Variants in P4HA3 observed in about 807,000 individuals in gnomAD.
P4HA3 encodes prolyl 4-hydroxylase subunit alpha-3.
P4HA3 carries 60 observed loss-of-function variants against 66.7 expected under a neutral mutation model. That is an observed-to-expected ratio of 0.90 (90% CI 0.73 to 1.12). The LOEUF is 1.12. Among genes scored for constraint, P4HA3 ranks in the 50% most tolerant of loss-of-function variants. P4HA3 has a pLI of 0.00. For missense variants in P4HA3, 683 were observed against 685.8 expected, an observed-to-expected ratio of 1.00 and a Z score of 0.05; for synonymous variants, 263 against 274.6, an observed-to-expected ratio of 0.96 and a Z score of 0.42.
chr11:74,300,545 C>A (rs1861374924), intron 3 of P4HA3, among the ~76,000 whole-genome samples: 1 of 152,032 alleles, frequency 6.6e-6, no homozygotes, highest in Admixed American at 6.5e-5. Flanking sequence ...CTTGAGCCCC[C>A]CCAGGTGGGA....
At chr11:74,301,084 G>A (rs894051706) in intron 3 of P4HA3, among the ~76,000 whole-genome samples, 2 of 152,156 alleles carry the variant, frequency 1.3e-5, no homozygotes, top group Non-Finnish European at 2.9e-5. Context: ...CAGAAGGGAT[G>A]GGGGGTGGCG....
intron 1 of P4HA3, among the ~76,000 whole-genome samples, chr11:74,306,575 CTA>C (rs1168683010): frequency 2.6e-5 from 4 of 152,132 alleles, no homozygotes; most frequent in African/African-American, 7.2e-5. Flanking sequence ...GCACAGGAGA[CTA>C]TGAGTCCTTT....
At chr11:74,279,825 C>T (rs1201989487) in intron 7 of P4HA3, among the ~76,000 whole-genome samples, 2 of 152,154 alleles carry the variant, frequency 1.3e-5, no homozygotes, top group Non-Finnish European at 2.9e-5. Context: ...GGGTCAGGCA[C>T]AGGGCCTGAC....
intron 9 of P4HA3, among the ~76,000 whole-genome samples, chr11:74,273,984 T>C (rs991133169): frequency 1.4e-4 from 22 of 152,166 alleles, no homozygotes; most frequent in Admixed American, 1.4e-3. Context: ...TTCCAATTAC[T>C]TGCTGAAGAG....
chr11:74,278,605 C>T (rs900227950), intron 8 of P4HA3, among the ~76,000 whole-genome samples: 1 of 152,160 alleles, frequency 6.6e-6, no homozygotes, highest in Non-Finnish European at 1.5e-5. Context: ...AAGCAATTAA[C>T]CCAAGGCTGA....
intron 1 of P4HA3, among the ~76,000 whole-genome samples, chr11:74,310,080 C>T (rs896607460): frequency 6.6e-6 from 1 of 152,194 alleles, no homozygotes; most frequent in Admixed American, 6.5e-5. Flanking sequence ...ATTGTGCTGT[C>T]TTTGCTCAAT....
chr11:74,294,476 T>C (rs1045913510), intron 4 of P4HA3, among the ~76,000 whole-genome samples: 7 of 152,228 alleles, frequency 4.6e-5, no homozygotes, highest in African/African-American at 1.7e-4. Flanking sequence ...CCAGCTTTGT[T>C]CCGTTGCTGG....
intron 15 of P4HA3, chr11:74,255,943 G>A: frequency 3.9e-6 from 2 of 517,000 alleles, no homozygotes; most frequent in Non-Finnish European, 7.7e-6. Flanking sequence ...TGCCTTTGCT[G>A]AGCTATGTGC....
At position 74,311,409 on chromosome 11, in the gene P4HA3, C is replaced by T; in HGVS notation, c.200+3G>A. On this transcript the variant is annotated splice_donor_region_variant and intron_variant, in intron 1 of 12. Coordinates refer to ENST00000331597, the MANE Select transcript of P4HA3 (RefSeq NM_182904.5). ...CGGTCGCTCCCACTCGTCGTGCCCTCACCTAGTCAGGTCCCGCAGCCGCGC... is the reference window on the plus strand; with the variant it reads ...CGGTCGCTCCCACTCGTCGTGCCCTTACCTAGTCAGGTCCCGCAGCCGCGC... 6.6e-7 allele frequency: 1 copy of T among 1,512,300 alleles called. No individual in the cohort carries two copies. The highest frequency in any genetic ancestry group is 8.8e-7 in the Non-Finnish European group (1 of 1,138,108). 93.7% of individuals were successfully genotyped at this position (1,512,300 alleles called of 1,614,324 possible).
chr11:74,251,024 T>C, intron 15 of P4HA3: 1 of 1,589,748 alleles, frequency 6.3e-7, no homozygotes, highest in Non-Finnish European at 8.6e-7. Context: ...ACAAGGTGAG[T>C]CTGGTGCTCA....
At chr11:74,307,799 A>G (rs1397547460) in intron 1 of P4HA3, among the ~76,000 whole-genome samples, 1 of 152,242 alleles carries the variant, frequency 6.6e-6, no homozygotes, top group Non-Finnish European at 1.5e-5. Context: ...TTATCCAACC[A>G]CAATACATGG....
intron 15 of P4HA3, chr11:74,250,208 C>T (rs1859620102): frequency 6.6e-6 from 1 of 152,102 alleles, no homozygotes; most frequent in African/African-American, 2.4e-5. Flanking sequence ...AATCTGCTGT[C>T]TCTACTTATG....
At chr11:74,263,320 T>C (rs1364522081), downstream of P4HA3, among the ~76,000 whole-genome samples, 1 of 152,238 alleles carries the variant, frequency 6.6e-6, no homozygotes, top group Non-Finnish European at 1.5e-5. Flanking sequence ...TGACAAGAGT[T>C]CTTAACCATT....
At position 74,268,254 on chromosome 11, in the gene P4HA3, G is replaced by A. The variant is rs751357158; in HGVS notation, c.1468-13C>T. 1 of 1,610,202 alleles carries A rather than the reference G, an allele frequency of 6.2e-7. No individual in the cohort carries two copies. Among genetic ancestry groups the A allele is most frequent in the African/African-American group, 1.3e-5 (1 of 74,992 alleles). On this transcript the variant is annotated splice_polypyrimidine_tract_variant and intron_variant, in intron 11 of 12. Coordinates refer to ENST00000331597, the MANE Select transcript of P4HA3 (RefSeq NM_182904.5). ...ACAGTGCTGCATTCTGAAACAAGAGGGCCCAGCCCCAGGGAGGGTCAGCCC... is the reference window on the plus strand; with the variant it reads ...ACAGTGCTGCATTCTGAAACAAGAGAGCCCAGCCCCAGGGAGGGTCAGCCC...
At chr11:74,282,830 C>A (rs1387624253) in intron 7 of P4HA3, among the ~76,000 whole-genome samples, 1 of 152,148 alleles carries the variant, frequency 6.6e-6, no homozygotes, top group Non-Finnish European at 1.5e-5. Context: ...ACCAAACAAC[C>A]AGTGAGAAAA....
intron 1 of P4HA3, among the ~76,000 whole-genome samples, chr11:74,304,650 T>C (rs978985218): frequency 7.2e-5 from 11 of 152,184 alleles, no homozygotes; most frequent in Non-Finnish European, 1.5e-5. Flanking sequence ...AATCAATTAC[T>C]GTATTTCAGG....
intron 15 of P4HA3, chr11:74,251,830 C>G (rs370436704): frequency 4.7e-6 from 6 of 1,265,660 alleles, no homozygotes; most frequent in Non-Finnish European, 5.8e-6. Context: ...GTCACCATGC[C>G]TTTCTTCCTC....
intron 15 of P4HA3, chr11:74,253,649 G>T: frequency 1.1e-6 from 1 of 909,072 alleles, no homozygotes; most frequent in Non-Finnish European, 1.8e-6. Flanking sequence ...ACCCCGAGAT[G>T]TACCAACCTT....
At chr11:74,290,198 C>T (rs1357722584) in intron 4 of P4HA3, among the ~76,000 whole-genome samples, 41 of 152,024 alleles carry the variant, frequency 2.7e-4, no homozygotes, top group Non-Finnish European at 4.9e-4. Context: ...TGGCCAGTGA[C>T]GATGAGCATT....
Sources: allele counts gnomAD v4.1 joint callset (sites outside exome capture counted in the v4.1 genomes callset), GRCh38; gene constraint gnomAD v4.1.1; transcripts MANE v1.5; gene names NCBI Gene and HGNC (gene_info 2026-07-23, HGNC 2026-07-21).